The following MARK4 variants were observed in gnomAD, a reference collection of about 807,000 sequenced individuals.
MARK4 encodes the protein microtubule affinity regulating kinase 4, also known as MAP/microtubule affinity-regulating kinase 4.
A neutral mutation model predicts 81.5 loss-of-function variants in MARK4; 19 were observed. That is an observed-to-expected ratio of 0.23 (90% confidence interval 0.16 to 0.34). MARK4 has a LOEUF of 0.34. MARK4 is among the 10% of genes least tolerant of loss of function. MARK4 has a pLI of 1.00. For synonymous variants in MARK4, 436 were observed against 439.0 expected (o/e 0.99, Z 0.08); for missense variants, 772 against 1,058.8 (o/e 0.73, Z 3.76).
At chr19:45,288,636 G>A (rs1173959048) in intron 13 of MARK4, 1 of 151,724 alleles carries the variant, frequency 6.6e-6, no homozygotes, top group East Asian at 1.9e-4. Flanking sequence ...AGATCATGAG[G>A]TCAGGAGATC....
intron 1 of MARK4, among the ~76,000 whole-genome samples, chr19:45,258,133 G>A (rs898881079): frequency 6.6e-6 from 1 of 151,632 alleles, no homozygotes; most frequent in Non-Finnish European, 1.5e-5. Flanking sequence ...TTACAGGCGT[G>A]TGCCAATGCC....
intron 12 of MARK4, among the ~76,000 whole-genome samples, chr19:45,287,001 T>C (rs868727213): frequency 6.6e-6 from 1 of 152,078 alleles, no homozygotes; most frequent in African/African-American, 2.4e-5. Flanking sequence ...TACCTTGACT[T>C]ATCTAGTCAT....
intron 16 of MARK4, among the ~76,000 whole-genome samples, chr19:45,301,557 C>CAAAAAAA (rs10630193): frequency 0.013 from 661 of 49,488 alleles, 95 homozygotes; most frequent in South Asian, 0.018. Flanking sequence ...AACTCTGTCT[C>CAAAAAAA]AAAAAAAAAA....
chr19:45,296,910 C>G (rs1292569398), intron 14 of MARK4, among the ~76,000 whole-genome samples: 1 of 152,130 alleles, frequency 6.6e-6, no homozygotes, highest in Non-Finnish European at 1.5e-5. Context: ...ACTACCCAGG[C>G]GTGGTGCTGC....
chr19:45,267,600 G>A (rs147382880), intron 7 of MARK4, among the ~76,000 whole-genome samples: 255 of 152,342 alleles, frequency 1.7e-3, no homozygotes, highest in African/African-American at 5.9e-3. Flanking sequence ...GTGAGCACCT[G>A]TGTGCTAGGC....
Position 45,264,546 on chromosome 19 carries a change from A to G in MARK4, c.356-138A>G, listed in dbSNP as rs1469625175. ...TAGAGGGGGCTGAGGAGTTTGGAAA[A>G]TCTTGCTGTCAGTAGGGAGCCATTG... is the stretch of plus-strand genomic sequence containing the variant. On this transcript the variant is annotated intron_variant, in intron 4 of 16. Coordinates refer to ENST00000262891, the MANE Select transcript of MARK4 (RefSeq NM_001199867.2). 6.2e-6 allele frequency: 5 copies of G among 802,280 alleles called. No homozygotes were observed. In the East Asian group the frequency reaches 9.8e-5, roughly 16 times the overall value. The allele number at this position is 802,280 out of a possible 1,614,324, so 49.7% of individuals were successfully genotyped here. A position where few individuals can be genotyped will look rare whatever the true frequency, so the allele number is the denominator to read the frequency against.
chr19:45,299,089 AATT>A (rs1360707516), intron 15 of MARK4, among the ~76,000 whole-genome samples: 1 of 119,876 alleles, frequency 8.3e-6, no homozygotes, highest in East Asian at 2.1e-4. Flanking sequence ...AAAAAAAAAA[AATT>A]GAACAGGGAG....
Position 45,271,458 on chromosome 19 carries a change from T to A in MARK4, c.550-14T>A, listed in dbSNP as rs1422315194. 1.2e-6 allele frequency: 2 copies of A among 1,612,840 alleles called. No individual in the cohort carries two copies. The highest frequency in any genetic ancestry group is 1.3e-5 in the African/African-American group (1 of 74,916). ...TTGAGTCCCACTTTCCGCCCTCTCC[T>A]TCTCTCCCTGCAGGCTGAGAACCTC... On this transcript the variant is annotated splice_polypyrimidine_tract_variant and intron_variant, in intron 7 of 16. Coordinates refer to ENST00000262891, the MANE Select transcript of MARK4 (RefSeq NM_001199867.2). The surrounding 1 kb of genome is among the most constrained non-coding windows in gnomAD (Gnocchi z 4.1).
At chr19:45,266,144 C>G in intron 6 of MARK4, 81 bp from the exon 7 acceptor site, 1 of 1,421,940 alleles carries the variant, frequency 7.0e-7, no homozygotes, top group Non-Finnish European at 9.9e-7. Context: ...TGGGGCCCAG[C>G]TGTGAGTGGT....
At chr19:45,265,458 A>G (rs1041283641) in intron 6 of MARK4, among the ~76,000 whole-genome samples, 1 of 151,390 alleles carries the variant, frequency 6.6e-6, no homozygotes, top group Non-Finnish European at 1.5e-5. Context: ...ATGGGTTTCC[A>G]GGTGTGTGGT....
intron 8 of MARK4, among the ~76,000 whole-genome samples, chr19:45,272,979 A>G (rs1447128337): frequency 1.3e-5 from 2 of 152,220 alleles, no homozygotes; most frequent in Non-Finnish European, 2.9e-5. Flanking sequence ...CGCTTCAAAC[A>G]AAACAGTTCC....
At chr19:45,266,104 C>G in intron 6 of MARK4, 121 bp from the exon 7 acceptor site, 1 of 982,062 alleles carries the variant, frequency 1.0e-6, no homozygotes, top group Non-Finnish European at 1.6e-6. Context: ...GTGTGAGGCC[C>G]CAGATCTCAG....
chr19:45,258,386 C>T (rs1450448671), intron 1 of MARK4, among the ~76,000 whole-genome samples: 1 of 151,994 alleles, frequency 6.6e-6, no homozygotes, highest in African/African-American at 2.4e-5. Context: ...ACCAAACTTG[C>T]GATATCTCTG....
intron 8 of MARK4, among the ~76,000 whole-genome samples, chr19:45,272,794 A>G (rs991243406): frequency 6.6e-6 from 1 of 152,070 alleles, no homozygotes; most frequent in African/African-American, 2.4e-5. Flanking sequence ...AGGCTGAGGC[A>G]GGAGAATCGC....
At chr19:45,285,261 CAAAAAAAAAAAAA>C (rs71173139) in intron 12 of MARK4, among the ~76,000 whole-genome samples, 290 of 57,128 alleles carry the variant, frequency 5.1e-3, no homozygotes, top group African/African-American at 0.017. Context: ...TGCCGTGTCT[CAAAAAAAAAAAAA>C]AAAAAAAAAA....
chr19:45,296,542 G>A (rs546687418), intron 14 of MARK4, among the ~76,000 whole-genome samples: 16 of 152,332 alleles, frequency 1.1e-4, no homozygotes, highest in East Asian at 9.7e-4. Context: ...CCCATTGGCC[G>A]GAGCATGGTC....
In MARK4 at chr19:45,303,191, C is replaced by T. The variant is rs919480969; in HGVS notation, c.*481C>T. 3 of 181,596 alleles carry T rather than the reference C, an allele frequency of 1.7e-5. No individual in the cohort carries two copies. Among genetic ancestry groups the T allele is most frequent in the Admixed American group, 5.5e-5 (1 of 18,304 alleles). 11.2% of individuals were successfully genotyped at this position (181,596 alleles called of 1,614,324 possible). ...ACCCCCACTTCCTGCCCCAGGCTGG[C>T]GCGGGGCACTTTGTACAAATCCTTG... is the stretch of plus-strand genomic sequence containing the variant. On this transcript the variant is annotated 3_prime_UTR_variant, in exon 17 of 17. Coordinates refer to ENST00000262891, the MANE Select transcript of MARK4 (RefSeq NM_001199867.2).
chr19:45,290,195 G>T (rs1970803396), intron 13 of MARK4, among the ~76,000 whole-genome samples: 1 of 152,250 alleles, frequency 6.6e-6, no homozygotes, highest in African/African-American at 2.4e-5. Context: ...TGCTCTTGGT[G>T]CCCCTGGGTA....
Position 45,278,051 on chromosome 19 carries a change from AG to A in MARK4, c.906+10del. ...AACGCTGTACTCTCGAGGTGAGCCCAGCCTCACAGCCAGCGGGAGCCCTTCT... is the reference window on the plus strand; with the variant it reads ...AACGCTGTACTCTCGAGGTGAGCCCACCTCACAGCCAGCGGGAGCCCTTCT... On this transcript the variant is annotated intron_variant, in intron 9 of 16. Transcript: ENST00000262891. 6.2e-7 allele frequency: 1 copy of A among 1,612,984 alleles called. No homozygotes were observed. The highest frequency in any genetic ancestry group is 1.1e-5 in the South Asian group (1 of 91,034).
Sources: allele counts gnomAD v4.1 joint callset (sites outside exome capture counted in the v4.1 genomes callset), GRCh38; gene constraint gnomAD v4.1.1; non-coding constraint Gnocchi (gnomAD v3.1); transcripts MANE v1.5; gene names NCBI Gene and HGNC (gene_info 2026-07-23, HGNC 2026-07-21).